Variants in N4BP2 observed in about 807,000 individuals in gnomAD.
The protein encoded by N4BP2 is NEDD4-binding protein 2.
A neutral mutation model predicts 152.8 loss-of-function variants in N4BP2; 91 were observed. The ratio of observed to expected loss-of-function variants is 0.60; its 90% CI spans 0.50 to 0.71. The LOEUF is 0.71. Ranked by LOEUF, N4BP2 falls within the 30% of genes least tolerant of loss-of-function variation. N4BP2 has a pLI of 0.00. For synonymous variants in N4BP2, 646 were observed against 705.3 expected, an observed-to-expected ratio of 0.92 and a Z score of 1.33; for missense variants, 1,923 against 2,059.1, an observed-to-expected ratio of 0.93 and a Z score of 1.28.
chr4:40,085,903 G>A (rs1162831184), intron 2 of N4BP2, among the ~76,000 whole-genome samples: 1 of 152,010 alleles, frequency 6.6e-6, no homozygotes, highest in African/African-American at 2.4e-5. Flanking sequence ...GCTCACACCT[G>A]TAATCCCAGC....
the N4BP2 span, among the ~76,000 whole-genome samples, chr4:40,186,245 T>C: frequency 6.8e-6 from 1 of 147,724 alleles, no homozygotes. Context: ...TATGCTTAGC[T>C]GTGGTTCAGT....
At chr4:40,078,299 G>A (rs907456905) in intron 2 of N4BP2, among the ~76,000 whole-genome samples, 1 of 151,822 alleles carries the variant, frequency 6.6e-6, no homozygotes, top group African/African-American at 2.4e-5. Flanking sequence ...CACCATGGCC[G>A]GCTACTTTTT....
chr4:40,089,435 CTT>C (rs1281842286), intron 2 of N4BP2, among the ~76,000 whole-genome samples: 9 of 111,110 alleles, frequency 8.1e-5, no homozygotes, highest in East Asian at 2.7e-4. Context: ...TCAGTTTTGC[CTT>C]TTTTTTTTTT....
chr4:40,164,978 G>A, the N4BP2 span, among the ~76,000 whole-genome samples: 6 of 152,134 alleles, frequency 3.9e-5, no homozygotes, highest in East Asian at 1.2e-3. Context: ...CTTAAGCTCT[G>A]GGCTACGTTT....
At chr4:40,088,448 T>G (rs1203432795) in intron 2 of N4BP2, among the ~76,000 whole-genome samples, 1 of 152,136 alleles carries the variant, frequency 6.6e-6, no homozygotes, top group Admixed American at 6.6e-5. Flanking sequence ...TCATTTGGTG[T>G]TGTACCTGTT....
chr4:40,168,731 C>CT, the N4BP2 span, among the ~76,000 whole-genome samples: 58 of 147,348 alleles, frequency 3.9e-4, no homozygotes, highest in Middle Eastern at 3.5e-3. Context: ...CTTTTTTCTT[C>CT]TTTTTTTTTT....
At chr4:40,079,251 TGTGGTTTTCA>T (rs1161231794) in intron 2 of N4BP2, among the ~76,000 whole-genome samples, 6 of 152,080 alleles carry the variant, frequency 3.9e-5, no homozygotes, top group Non-Finnish European at 5.9e-5. Flanking sequence ...GTATTGATGA[TGTGGTTTTCA>T]GTAGGAAGGT....
intron 2 of N4BP2, among the ~76,000 whole-genome samples, chr4:40,083,512 G>T (rs569042457): frequency 2.0e-5 from 3 of 152,182 alleles, no homozygotes; most frequent in Non-Finnish European, 4.4e-5. Context: ...TATCGGTGAA[G>T]TACCAATACA....
Position 40,152,931 on chromosome 4 carries a change from T to G in N4BP2, c.5267+28T>G, listed in dbSNP as rs772749628. On this transcript the variant is annotated intron_variant, in intron 17 of 17. Transcript: ENST00000261435. ...GAGTGTAGATTTCTGTTATTAATAATGGCAACTGCCCATATAGATCTTTAT... is the reference window on the plus strand; with the variant it reads ...GAGTGTAGATTTCTGTTATTAATAAGGGCAACTGCCCATATAGATCTTTAT... 5 of 1,609,344 alleles carry G rather than the reference T, an allele frequency of 3.1e-6. No individual in the cohort carries two copies. In the Admixed American group the frequency reaches 8.4e-5, roughly 27 times the overall value.
chr4:40,169,865 TGAGGCAGAGAATTGCTTGAACCTGG>T, the N4BP2 span, among the ~76,000 whole-genome samples: 1 of 150,500 alleles, frequency 6.6e-6, no homozygotes, highest in Non-Finnish European at 1.5e-5. Flanking sequence ...CTCGGGAGGC[TGAGGCAGAGAATTGCTTGAACCTGG>T]GAGGCAGAGG....
intron 2 of N4BP2, among the ~76,000 whole-genome samples, chr4:40,082,097 C>T (rs747971536): frequency 4.6e-4 from 69 of 151,582 alleles, no homozygotes; most frequent in Non-Finnish European, 7.5e-4. Flanking sequence ...GGGCAACGAG[C>T]GAAACTCCAT....
intron 2 of N4BP2, among the ~76,000 whole-genome samples, chr4:40,087,685 C>T (rs141852513): frequency 8.4e-4 from 128 of 151,904 alleles, no homozygotes; most frequent in African/African-American, 2.9e-3. Context: ...CCGCCCCCTC[C>T]GCCCAAAAAA....
intron 12 of N4BP2, among the ~76,000 whole-genome samples, chr4:40,128,377 G>A (rs1158702627): frequency 6.6e-6 from 1 of 151,958 alleles, no homozygotes. Flanking sequence ...ATTTATCTTG[G>A]TTAACTAAAT....
intron 14 of N4BP2, among the ~76,000 whole-genome samples, chr4:40,141,244 C>T (rs529759640): frequency 6.5e-4 from 97 of 150,308 alleles, no homozygotes; most frequent in Non-Finnish European, 1.0e-3. Flanking sequence ...CCCTCCTGGA[C>T]GGGGCGGCTG....
intron 16 of N4BP2, among the ~76,000 whole-genome samples, chr4:40,148,724 A>C (rs1456495948): frequency 6.6e-6 from 1 of 152,208 alleles, no homozygotes; most frequent in Non-Finnish European, 1.5e-5. Context: ...TTCTGGGCTC[A>C]AGTGATCCTC....
the N4BP2 span, among the ~76,000 whole-genome samples, chr4:40,170,862 C>T: frequency 6.6e-6 from 1 of 152,174 alleles, no homozygotes; most frequent in Non-Finnish European, 1.5e-5. Flanking sequence ...CACATATCCT[C>T]ATTTTGCTCA....
intron 2 of N4BP2, among the ~76,000 whole-genome samples, chr4:40,094,700 G>A (rs1714942530): frequency 1.3e-5 from 2 of 151,652 alleles, no homozygotes; most frequent in Non-Finnish European, 2.9e-5. Context: ...TTACAGGCAT[G>A]CACCATCTTG....
chr4:40,069,745 A>C (rs867044815), intron 1 of N4BP2, among the ~76,000 whole-genome samples: 63 of 152,286 alleles, frequency 4.1e-4, no homozygotes, highest in African/African-American at 1.4e-3. Context: ...CTGTCTCTAC[A>C]AAACAAAATA....
chr4:40,189,166 A>C, the N4BP2 span, among the ~76,000 whole-genome samples: 1 of 152,052 alleles, frequency 6.6e-6, no homozygotes, highest in Non-Finnish European at 1.5e-5. This position sits in a 1 kb window ranked among gnomAD's most constrained non-coding sequence, Gnocchi z 4.3. Flanking sequence ...AAAACAAAAC[A>C]AAACAAAACA....
Sources: allele counts gnomAD v4.1 joint callset (sites outside exome capture counted in the v4.1 genomes callset), GRCh38; gene constraint gnomAD v4.1.1; non-coding constraint Gnocchi (gnomAD v3.1); transcripts MANE v1.5; gene names NCBI Gene and HGNC (gene_info 2026-07-23, HGNC 2026-07-21).